TRIM49C: variants seen among roughly 807,000 people sequenced by gnomAD.
The protein encoded by TRIM49C is tripartite motif-containing protein 49C.
A neutral mutation model predicts 21.4 loss-of-function variants in TRIM49C; 6 were observed. The observed-to-expected ratio is 0.28, with a 90% CI of 0.15 to 0.55. The LOEUF is 0.55. Ranked by LOEUF, TRIM49C falls within the 20% of genes least tolerant of loss-of-function variation. The probability of loss-of-function intolerance (pLI) is 0.94; values close to 1 mark genes in which losing one functional copy is unlikely to be tolerated. For synonymous variants in TRIM49C, 57 were observed against 148.1 expected (o/e 0.38, Z 4.47); for missense variants, 161 against 442.4 (o/e 0.36, Z 5.71).
At position 90,035,706 on chromosome 11, in the gene TRIM49C, C is replaced by T; in HGVS notation, c.411+84C>T. On this transcript the variant is annotated intron_variant, in intron 3 of 7. Coordinates refer to ENST00000448984, the MANE Select transcript of TRIM49C (RefSeq NM_001195234.1). ...TATTTTCTTGGAGATTAGGTAAAGC[C>T]AACTCTGAGTCCCTTTAAGCAGCTC... 2.2e-6 allele frequency: 3 copies of T among 1,368,354 alleles called. 1 individual carries two copies. The highest frequency in any genetic ancestry group is 2.9e-6 in the Non-Finnish European group (3 of 1,047,916). The allele number at this position is 1,368,354 out of a possible 1,614,324, so 84.8% of individuals were successfully genotyped here.
chr11:90,064,282 T>C, the TRIM49C span, among the ~76,000 whole-genome samples: 2 of 151,420 alleles, frequency 1.3e-5, no homozygotes, highest in African/African-American at 4.9e-5. Flanking sequence ...TTTTTTCCCA[T>C]TGTCAATTCA....
At chr11:90,053,328 C>G in the TRIM49C span, 1 of 145,144 alleles carries the variant, frequency 6.9e-6, no homozygotes, top group African/African-American at 2.5e-5. Context: ...CCTGTCCTGC[C>G]AGTTGACATC....
chr11:90,054,873 C>T, the TRIM49C span, among the ~76,000 whole-genome samples: 1,622 of 142,772 alleles, frequency 0.011, 12 homozygotes, highest in African/African-American at 0.04. Context: ...GTAGCTAATA[C>T]TGTCTTTCTG....
At chr11:90,049,385 T>G in the TRIM49C span, among the ~76,000 whole-genome samples, 26 of 75,094 alleles carry the variant, frequency 3.5e-4, 3 homozygotes, top group East Asian at 8.1e-3. Flanking sequence ...GCAGGCCTCC[T>G]TGAGCTGCAG....
At chr11:90,055,057 G>A in the TRIM49C span, among the ~76,000 whole-genome samples, 1 of 147,978 alleles carries the variant, frequency 6.8e-6, no homozygotes, top group East Asian at 2.0e-4. Context: ...CTGGGTTGGA[G>A]CCCTAAGGTG....
chr11:90,066,172 C>A, the TRIM49C span, among the ~76,000 whole-genome samples: 1 of 134,310 alleles, frequency 7.4e-6, no homozygotes, highest in Non-Finnish European at 1.6e-5. Context: ...AGGCACCTGC[C>A]ACTAAGCCCA....
At chr11:90,067,360 C>A in the TRIM49C span, among the ~76,000 whole-genome samples, 1 of 142,564 alleles carries the variant, frequency 7.0e-6, no homozygotes, top group East Asian at 2.1e-4. Flanking sequence ...GGATTTCTTG[C>A]TAATATCAAA....
the TRIM49C span, chr11:90,071,700 G>A: frequency 2.4e-6 from 3 of 1,268,402 alleles, 1 homozygote; most frequent in Non-Finnish European, 3.3e-6. Flanking sequence ...TTGCAGGAGT[G>A]AGTCCGTGCT....
the TRIM49C span, chr11:90,057,510 C>T: frequency 1.1e-5 from 10 of 912,192 alleles, 2 homozygotes; most frequent in African/African-American, 3.2e-5. Flanking sequence ...CATGAAGTTA[C>T]AGTGCGCTCA....
the TRIM49C span, among the ~76,000 whole-genome samples, chr11:90,048,329 G>A: frequency 8.3e-6 from 1 of 120,070 alleles, no homozygotes; most frequent in African/African-American, 3.4e-5. Context: ...TTGCTAGGTT[G>A]GGGATGTTCT....
rs779262490 is a variant in TRIM49C, at chr11:90,041,181, A to C, written c.990A>C (p.Ala330=). The C allele has an allele frequency of 8.8e-6, 14 of 1,599,184 alleles. No individual in the cohort carries two copies. The Admixed American group carries it at 1.9e-4, about 21-fold the overall frequency. The change falls in exon 8 of 8, where the codon GCA becomes GCC. Residue 330 remains alanine (A), a synonymous_variant. Transcript: ENST00000448984. The stretch of plus-strand genomic sequence containing the variant: ...CTGCAACACCTAGAAGTTTTCTTGC[A>C]TGGGGTGTTCAGACTTTCACCTCGG... ...YFTATPRSFL[A]WGVQTFTSGK...
chr11:90,031,782 GA>G (rs1950689461), intron 1 of TRIM49C, among the ~76,000 whole-genome samples: 1 of 148,166 alleles, frequency 6.7e-6, no homozygotes, highest in South Asian at 2.2e-4. Context: ...AAACAAAAAG[GA>G]AAGTTTTATC....
chr11:90,034,308 A>G (rs1394936897), intron 2 of TRIM49C, among the ~76,000 whole-genome samples: 2 of 110,094 alleles, frequency 1.8e-5, no homozygotes, highest in Non-Finnish European at 3.5e-5. Flanking sequence ...TCTCTCCTCT[A>G]GAAACACCTT....
chr11:90,062,797 C>T, the TRIM49C span: 3 of 1,407,752 alleles, frequency 2.1e-6, 1 homozygote, highest in Non-Finnish European at 2.8e-6. Flanking sequence ...TTGAGTACCA[C>T]ATTGGTGTTG....
downstream of TRIM49C, among the ~76,000 whole-genome samples, chr11:90,046,410 G>A (rs186200444): frequency 7.9e-6 from 1 of 126,150 alleles, no homozygotes; most frequent in African/African-American, 3.1e-5. Flanking sequence ...ATCTGGACCC[G>A]GACTTTATTT....
chr11:90,047,939 T>C, the TRIM49C span, among the ~76,000 whole-genome samples: 1 of 120,466 alleles, frequency 8.3e-6, no homozygotes, highest in South Asian at 3.1e-4. Flanking sequence ...GTGCTTCCTT[T>C]AGGAGCTCTT....
chr11:90,046,398 C>G (rs1950801867), downstream of TRIM49C, among the ~76,000 whole-genome samples: 2 of 126,966 alleles, frequency 1.6e-5, 1 homozygote, highest in African/African-American at 6.2e-5. Flanking sequence ...AGCTGTGAAT[C>G]CATCTGGACC....
At chr11:90,065,962 A>C in the TRIM49C span, among the ~76,000 whole-genome samples, 2 of 133,880 alleles carry the variant, frequency 1.5e-5, no homozygotes, top group African/African-American at 5.3e-5. Flanking sequence ...TCTCAAAAGA[A>C]AAAAAAAAAA....
chr11:90,035,693 G>T, intron 3 of TRIM49C, 71 bp downstream of exon 3: 1 of 1,375,332 alleles, frequency 7.3e-7, no homozygotes, highest in South Asian at 1.5e-5. Flanking sequence ...TTTTCTTGGA[G>T]ATTAGGTAAA....
Sources: gnomAD v4.1 joint callset for allele counts (sites outside exome capture counted in the v4.1 genomes callset) on GRCh38, gnomAD v4.1.1 for gene constraint, MANE v1.5 for transcripts, NCBI Gene and HGNC (gene_info 2026-07-23, HGNC 2026-07-21) for gene names.